Variants in KCNH1 observed in about 807,000 individuals in gnomAD.
The protein encoded by KCNH1 is potassium voltage-gated channel subfamily H member 1.
Under a neutral mutation model 69.2 loss-of-function variants are expected in KCNH1, and 27 were observed. The observed-to-expected ratio is 0.39, with a 90% confidence interval of 0.29 to 0.54. The LOEUF (loss-of-function observed/expected upper bound fraction) is 0.54, where lower values mean the gene tolerates loss of function less well. Ranked by LOEUF, KCNH1 falls within the 20% of genes least tolerant of loss-of-function variation. The probability of loss-of-function intolerance (pLI) is 0.68; values close to 1 mark genes in which losing one functional copy is unlikely to be tolerated. For synonymous variants in KCNH1, 456 were observed against 487.7 expected (o/e 0.93, Z 0.86); for missense variants, 798 against 1,261.6 (o/e 0.63, Z 5.57).
At chr1:211,052,592 G>A (rs1023111975) in intron 5 of KCNH1, among the ~76,000 whole-genome samples, 4 of 152,164 alleles carry the variant, frequency 2.6e-5, no homozygotes, top group South Asian at 2.1e-4. Flanking sequence ...ACCCAAAAAA[G>A]TTAAAGAGAA....
At chr1:211,083,006 C>T (rs1321443674) in intron 4 of KCNH1, 108 bp from the exon 5 acceptor site, 3 of 852,488 alleles carry the variant, frequency 3.5e-6, no homozygotes, top group Admixed American at 2.3e-5. Context: ...CAATGCCCTC[C>T]TAAGCTCCCA....
chr1:210,872,529 T>A (rs1686275830), intron 7 of KCNH1, among the ~76,000 whole-genome samples: 1 of 152,166 alleles, frequency 6.6e-6, no homozygotes, highest in African/African-American at 2.4e-5. Flanking sequence ...AATTGTCTCA[T>A]GGTTCTGCAG....
intron 10 of KCNH1, among the ~76,000 whole-genome samples, chr1:210,687,934 C>T (rs1425143002): frequency 6.6e-6 from 1 of 152,136 alleles, no homozygotes; most frequent in Non-Finnish European, 1.5e-5. Context: ...ACTCAGGATG[C>T]TCCCTGTACT....
chr1:210,804,199 TA>T (rs780702866), intron 7 of KCNH1, 33 bp from the exon 8 acceptor site: 98 of 1,561,434 alleles, frequency 6.3e-5, no homozygotes, highest in Non-Finnish European at 7.7e-5. Context: ...AAAGAAGAAA[TA>T]ACAAGTTAGT....
chr1:211,115,707 A>ATATATATATATATAT (rs1392008253), intron 1 of KCNH1, among the ~76,000 whole-genome samples: 15 of 77,590 alleles, frequency 1.9e-4, no homozygotes, highest in Non-Finnish European at 3.0e-4. Context: ...TCCCCTATAT[A>ATATATATATATATAT]TATATATATG....
intron 5 of KCNH1, among the ~76,000 whole-genome samples, chr1:211,026,462 C>G (rs1325594281): frequency 6.6e-6 from 1 of 151,322 alleles, no homozygotes; most frequent in Non-Finnish European, 1.5e-5. Context: ...CCTCAAAAGA[C>G]AGAAAGCTGT....
chr1:210,751,493 G>A (rs1299141286), intron 10 of KCNH1, among the ~76,000 whole-genome samples: 1 of 152,174 alleles, frequency 6.6e-6, no homozygotes. Flanking sequence ...ATCCCAGTTT[G>A]CCTGGGACTA....
chr1:210,690,396 G>C lies in KCNH1; in HGVS notation c.2113-6258C>G, dbSNP rs891542439. Reference sequence around the variant, plus strand: ...ATGCTGGTGCTGACTCAGGCACCTTGAGTGGCCGAGCGTCAGAAGGGCCAT... The same window carrying C: ...ATGCTGGTGCTGACTCAGGCACCTTCAGTGGCCGAGCGTCAGAAGGGCCAT... On this transcript the variant is annotated intron_variant, in intron 10 of 10. Transcript: ENST00000271751. Among the ~76,000 whole-genome samples, 3 of 152,150 alleles carry C rather than the reference G, an allele frequency of 2.0e-5. No homozygotes were observed. In the East Asian group the frequency reaches 5.8e-4, roughly 29 times the overall value.
intron 7 of KCNH1, among the ~76,000 whole-genome samples, chr1:210,873,299 C>A (rs1467991974): frequency 6.6e-6 from 1 of 152,048 alleles, no homozygotes; most frequent in East Asian, 1.9e-4. Context: ...TTGAAATGTG[C>A]TTGAATAGTT....
At position 210,903,104 on chromosome 1, in the gene KCNH1, G is replaced by A. The variant is rs918345542; in HGVS notation, c.1462+16536C>T. Among the ~76,000 whole-genome samples, 6 of 147,420 alleles carry A rather than the reference G, an allele frequency of 4.1e-5. No individual in the cohort carries two copies. In the Admixed American group the frequency reaches 4.2e-4, roughly 10 times the overall value. On this transcript the variant is annotated intron_variant, in intron 7 of 10. Coordinates refer to ENST00000271751, the MANE Select transcript of KCNH1 (RefSeq NM_172362.3). Reference sequence around the variant, plus strand: ...GTTCTCTGGTCTGCCTCCATGCCCTGCCATCTCTCTTTTTTTTTCATCTGG... The same window carrying A: ...GTTCTCTGGTCTGCCTCCATGCCCTACCATCTCTCTTTTTTTTTCATCTGG...
chr1:211,064,935 G>A (rs1336778902), intron 5 of KCNH1, among the ~76,000 whole-genome samples: 1 of 152,088 alleles, frequency 6.6e-6, no homozygotes, highest in Admixed American at 6.5e-5. Flanking sequence ...ATCACGATGA[G>A]ATACCACCTC....
Position 210,920,906 on chromosome 1 carries a change from TC to T in KCNH1, c.1033-838del, listed in dbSNP as rs562714024. ...TCTGATTTCACCTGGTCAAGCCTCT[TC>T]CCTTCTGGCTGGCATCCACTGATCA... On this transcript the variant is annotated intron_variant, in intron 6 of 10. Transcript: ENST00000271751. Among the ~76,000 whole-genome samples the T allele has an allele frequency of 3.9e-3, 590 of 152,270 alleles. 1 individual carries two copies. The highest frequency in any genetic ancestry group is 6.8e-3 in the Non-Finnish European group (463 of 68,002).
At chr1:211,038,111 C>A (rs1395632613) in intron 5 of KCNH1, among the ~76,000 whole-genome samples, 1 of 152,018 alleles carries the variant, frequency 6.6e-6, no homozygotes, top group Non-Finnish European at 1.5e-5. Flanking sequence ...CGGCACCCAC[C>A]ACCACGCCTG....
intron 9 of KCNH1, among the ~76,000 whole-genome samples, chr1:210,793,192 C>G (rs1050557392): frequency 3.9e-5 from 6 of 152,168 alleles, no homozygotes; most frequent in Admixed American, 3.3e-4. Context: ...GCAGAGAGAA[C>G]AGCAAAGGGA....
intron 10 of KCNH1, among the ~76,000 whole-genome samples, chr1:210,710,496 TATAA>T (rs1459091401): frequency 6.6e-6 from 1 of 152,146 alleles, no homozygotes; most frequent in Non-Finnish European, 1.5e-5. Context: ...TATATAAAAA[TATAA>T]ATAAAATTAA....
At chr1:210,974,102 C>T (rs937670543) in intron 6 of KCNH1, among the ~76,000 whole-genome samples, 4 of 152,146 alleles carry the variant, frequency 2.6e-5, no homozygotes, top group Non-Finnish European at 1.5e-5. Context: ...TCCTCTCTCT[C>T]ACCCTTCTTA....
At chr1:211,087,176 A>T (rs763767971) in intron 4 of KCNH1, among the ~76,000 whole-genome samples, 2 of 152,246 alleles carry the variant, frequency 1.3e-5, no homozygotes, top group Non-Finnish European at 2.9e-5. Context: ...CAGAGCCTTC[A>T]TCCTTCAATA....
At chr1:210,853,871 C>A (rs946327409) in intron 7 of KCNH1, among the ~76,000 whole-genome samples, 1 of 135,416 alleles carries the variant, frequency 7.4e-6, no homozygotes, top group African/African-American at 2.7e-5. Context: ...ATTTTCAATT[C>A]TTCTTCTAGG....
chr1:210,686,985 G>A (rs1248368558), intron 10 of KCNH1, among the ~76,000 whole-genome samples: 2 of 152,128 alleles, frequency 1.3e-5, no homozygotes, highest in African/African-American at 2.4e-5. Flanking sequence ...ATAAATATTG[G>A]CTAATGAATC....
Sources: gnomAD v4.1 joint callset for allele counts (sites outside exome capture counted in the v4.1 genomes callset) on GRCh38, gnomAD v4.1.1 for gene constraint, MANE v1.5 for transcripts, NCBI Gene and HGNC (gene_info 2026-07-23, HGNC 2026-07-21) for gene names.